Variants in ARNT observed in about 807,000 individuals in gnomAD.
ARNT encodes the protein aryl hydrocarbon receptor nuclear translocator.
ARNT carries 30 observed loss-of-function variants against 105.0 expected under a neutral mutation model. That is an observed-to-expected ratio of 0.29 (90% CI 0.21 to 0.39). The LOEUF (loss-of-function observed/expected upper bound fraction) is 0.39. Ranked by LOEUF, ARNT falls within the 10% of genes least tolerant of loss-of-function variation. The pLI is 1.00. For synonymous variants in ARNT, 304 were observed against 344.0 expected (o/e 0.88, Z 1.29); for missense variants, 748 against 978.7 (o/e 0.76, Z 3.15).
chr1:150,869,753 A>G (rs759762126), intron 1 of ARNT, among the ~76,000 whole-genome samples: 5 of 151,956 alleles, frequency 3.3e-5, no homozygotes, highest in Non-Finnish European at 7.4e-5. Context: ...AGGTCTCCCT[A>G]TATTGCTCAG....
chr1:150,821,487 A>G (rs587740227), intron 14 of ARNT, among the ~76,000 whole-genome samples: 1 of 152,342 alleles, frequency 6.6e-6, no homozygotes. Flanking sequence ...GCAACAATTG[A>G]GCAATAGGTG....
At chr1:150,823,980 TTA>T (rs1657671391) in intron 13 of ARNT, among the ~76,000 whole-genome samples, 2 of 147,518 alleles carry the variant, frequency 1.4e-5, no homozygotes, top group Non-Finnish European at 3.0e-5. Context: ...GTAGCTGAGA[TTA>T]TAGGCACGTG....
intron 13 of ARNT, among the ~76,000 whole-genome samples, chr1:150,825,013 C>A (rs954961113): frequency 3.3e-5 from 5 of 151,912 alleles, no homozygotes; most frequent in Admixed American, 2.0e-4. Context: ...AGGCATGAGC[C>A]ACCATACCCG....
At chr1:150,835,591 C>T (rs1660173735) in intron 7 of ARNT, among the ~76,000 whole-genome samples, 1 of 152,072 alleles carries the variant, frequency 6.6e-6, no homozygotes, top group South Asian at 2.1e-4. Flanking sequence ...AGAGAGAGAC[C>T]CTGTCTCTTT....
chr1:150,835,893 A>G (rs587635644), intron 7 of ARNT, among the ~76,000 whole-genome samples: 1 of 152,292 alleles, frequency 6.6e-6, no homozygotes, highest in East Asian at 1.9e-4. Context: ...TAGAATAAAA[A>G]GCTGTTATCA....
intron 1 of ARNT, among the ~76,000 whole-genome samples, chr1:150,871,970 G>A (rs1479797911): frequency 9.6e-6 from 1 of 103,666 alleles, no homozygotes; most frequent in East Asian, 3.1e-4. Context: ...CTCTTTTTTT[G>A]TTGGGGGACA....
At chr1:150,849,692 G>A (rs114845445) in intron 3 of ARNT, among the ~76,000 whole-genome samples, 6,264 of 152,280 alleles carry the variant, frequency 0.041, 167 homozygotes, top group Non-Finnish European at 0.064. Context: ...GAGCCCTGGA[G>A]TTCGAGGCTG....
At position 150,858,397 on chromosome 1, in the gene ARNT, A is replaced by T; in HGVS notation, c.89T>A (p.Ile30Asn). Residue 30 changes from isoleucine to asparagine, a missense_variant, in exon 2 of 22, where the codon ATT becomes AAT. This residue lies in a region of ARNT where 93 missense variants were observed against 101.6 expected (regional missense o/e 0.92). Coordinates refer to ENST00000358595, the MANE Select transcript of ARNT (RefSeq NM_001668.4). The part of the protein sequence containing the change: ...AIASGNSGPG[I>N]QGGGAIVQRA... ...CTGGACAATGGCTCCTCCACCTTGAATTCCAGGTCCAGAGTTTCCAGAGGC... is the reference window on the plus strand; with the variant it reads ...CTGGACAATGGCTCCTCCACCTTGATTTCCAGGTCCAGAGTTTCCAGAGGC... 6.2e-7 allele frequency: 1 copy of T among 1,610,222 alleles called. No homozygotes were observed. Among genetic ancestry groups the T allele is most frequent in the South Asian group, 1.1e-5 (1 of 89,954 alleles).
chr1:150,876,458 G>A (rs1668278906), intron 1 of ARNT, 85 bp downstream of exon 1: 2 of 1,520,274 alleles, frequency 1.3e-6, no homozygotes, highest in Non-Finnish European at 1.8e-6. Context: ...AGCTCCAGCT[G>A]CGTCCCCTCA....
chr1:150,820,202 C>A (rs1467298438), intron 14 of ARNT, among the ~76,000 whole-genome samples: 1 of 152,154 alleles, frequency 6.6e-6, no homozygotes, highest in Non-Finnish European at 1.5e-5. Context: ...TACTATCTAG[C>A]CCCACTTATA....
At chr1:150,849,056 A>G (rs1024550234) in intron 3 of ARNT, among the ~76,000 whole-genome samples, 1 of 152,078 alleles carries the variant, frequency 6.6e-6, no homozygotes, top group Admixed American at 6.5e-5. Context: ...ATACAAAATT[A>G]GCCGGGCATG....
intron 9 of ARNT, 144 bp downstream of exon 9, chr1:150,832,190 A>C (rs896927736): frequency 2.2e-5 from 18 of 837,048 alleles, no homozygotes; most frequent in Non-Finnish European, 3.3e-5. Context: ...AAAAAAAGTA[A>C]GTGGGAGGTA....
intron 6 of ARNT, among the ~76,000 whole-genome samples, chr1:150,838,812 C>G (rs1210362872): frequency 6.6e-6 from 1 of 152,202 alleles, no homozygotes; most frequent in Non-Finnish European, 1.5e-5. Flanking sequence ...CTTTAGCCAT[C>G]CCTTCAGTAT....
At chr1:150,854,476 G>A (rs969132593) in intron 2 of ARNT, among the ~76,000 whole-genome samples, 4 of 152,054 alleles carry the variant, frequency 2.6e-5, no homozygotes, top group Non-Finnish European at 4.4e-5. Flanking sequence ...GGGGCTGCAG[G>A]CCTTGAGCCT....
At chr1:150,821,891 C>T (rs996994616) in intron 14 of ARNT, among the ~76,000 whole-genome samples, 2 of 142,196 alleles carry the variant, frequency 1.4e-5, no homozygotes, top group African/African-American at 5.4e-5. Flanking sequence ...AGGCTGGTCT[C>T]GAACTCCTGA....
At position 150,811,477 on chromosome 1, in the gene ARNT, C is replaced by T. The variant is rs1654718265; in HGVS notation, c.*544G>A. 4.3e-6 allele frequency: 1 copy of T among 233,164 alleles called. No homozygotes were observed. The highest frequency in any genetic ancestry group is 2.2e-5 in the African/African-American group (1 of 45,144). 14.4% of individuals were successfully genotyped at this position (233,164 alleles called of 1,614,324 possible). ...GTGTGCGCACACACACACACACACA[C>T]ATACACACACACTCTCTCTCACTTA... is the stretch of plus-strand genomic sequence containing the variant. On this transcript the variant is annotated 3_prime_UTR_variant, in exon 22 of 22. Transcript: ENST00000358595.
chr1:150,836,473 C>T lies in ARNT; in HGVS notation c.507G>A (p.Leu169=), dbSNP rs1183431084. 4.3e-6 allele frequency: 7 copies of T among 1,614,016 alleles called. No homozygotes were observed. The highest frequency in any genetic ancestry group is 1.7e-5 in the Admixed American group (1 of 59,992). Reference sequence around the variant, plus strand: ...TAAACAGAAAGCCATCTGCTGCCTCCAAGATCAAATGTTTCAGTTCCTGCG... The same window carrying T: ...TAAACAGAAAGCCATCTGCTGCCTCTAAGATCAAATGTTTCAGTTCCTGCG... ...LTDQELKHLI[L]EAADGFLFIV... Residue 169 remains leucine (L), a synonymous_variant, in exon 7 of 22, where the codon TTG becomes TTA. Transcript: ENST00000358595.
intron 14 of ARNT, among the ~76,000 whole-genome samples, chr1:150,822,552 C>T (rs1352332852): frequency 2.0e-5 from 3 of 152,166 alleles, no homozygotes; most frequent in Admixed American, 6.5e-5. Flanking sequence ...GGAGGGTAGC[C>T]CACCCAGAAA....
intron 1 of ARNT, among the ~76,000 whole-genome samples, chr1:150,873,356 A>C (rs1043150922): frequency 1.3e-5 from 2 of 152,068 alleles, no homozygotes; most frequent in Non-Finnish European, 2.9e-5. Flanking sequence ...GAAACAGCCT[A>C]AAGTTTCATG....
Sources: allele counts gnomAD v4.1 joint callset (sites outside exome capture counted in the v4.1 genomes callset), GRCh38; gene constraint gnomAD v4.1.1; regional missense constraint gnomAD v4.1.1; transcripts MANE v1.5; gene names NCBI Gene and HGNC (gene_info 2026-07-23, HGNC 2026-07-21).